The following PRORP variants were observed in gnomAD, a reference collection of about 807,000 sequenced individuals.
PRORP encodes the protein mitochondrial ribonuclease P catalytic subunit.
A neutral mutation model predicts 59.4 loss-of-function variants in PRORP; 51 were observed. The observed-to-expected ratio is 0.86, with a 90% CI of 0.69 to 1.08. PRORP has a LOEUF of 1.08. Ranked by LOEUF, PRORP falls within the 50% of genes least tolerant of loss-of-function variation. The pLI is 0.00. For missense variants in PRORP, 646 were observed against 690.3 expected, an observed-to-expected ratio of 0.94 and a Z score of 0.72; for synonymous variants, 231 against 245.6, an observed-to-expected ratio of 0.94 and a Z score of 0.55.
chr14:35,270,373 A>C (rs749003026), intron 6 of PRORP, 28 bp from the exon 7 acceptor site: 1 of 1,604,640 alleles, frequency 6.2e-7, no homozygotes, highest in East Asian at 2.2e-5. Flanking sequence ...GCTGTGCTTG[A>C]TTGTGTCCTT....
intron 5 of PRORP, chr14:35,262,544 GC>G: frequency 1.5e-6 from 1 of 658,116 alleles, no homozygotes. Flanking sequence ...ACTGTGAAAG[GC>G]CCCAGAGGAA....
At chr14:35,218,459 T>TTAAAAA (rs1555329355) in intron 5 of PRORP, among the ~76,000 whole-genome samples, 2 of 44,778 alleles carry the variant, frequency 4.5e-5, no homozygotes, top group Admixed American at 4.3e-4. Context: ...AGATCCTGTC[T>TTAAAAA]AAAAAAAGAA....
chr14:35,145,593 G>A lies in PRORP; in HGVS notation c.1167+17982G>A, dbSNP rs1056168776. ...AAATTAGCTGGGCATGGTGGCATGC[G>A]TCTGTAGTCCCAGCTACTGAGGAGG... On this transcript the variant is annotated intron_variant, in intron 4 of 7. Coordinates refer to ENST00000534898, the MANE Select transcript of PRORP (RefSeq NM_014672.4). 7.8e-5 allele frequency among the ~76,000 whole-genome samples: 11 copies of A among 140,206 alleles called. 1 individual carries two copies. Among genetic ancestry groups the A allele is most frequent in the African/African-American group, 7.4e-5 (3 of 40,434 alleles). The allele number at this position is 140,206 out of a possible 152,430, so 92.0% of individuals were successfully genotyped here.
At chr14:35,163,013 A>G (rs1049124999) in intron 4 of PRORP, among the ~76,000 whole-genome samples, 1 of 152,114 alleles carries the variant, frequency 6.6e-6, no homozygotes, top group Non-Finnish European at 1.5e-5. Context: ...ACAGTATGAC[A>G]CTATTTTGAT....
At chr14:35,270,363 G>C in intron 6 of PRORP, 38 bp from the exon 7 acceptor site, 1 of 1,588,962 alleles carries the variant, frequency 6.3e-7, no homozygotes, top group Non-Finnish European at 8.6e-7. Flanking sequence ...TGCCTCTTCA[G>C]CTGTGCTTGA....
At chr14:35,181,498 C>T (rs577112445) in intron 5 of PRORP, among the ~76,000 whole-genome samples, 10 of 152,112 alleles carry the variant, frequency 6.6e-5, no homozygotes, top group South Asian at 2.1e-4. Context: ...AAATTGCTGC[C>T]GCTGGCTGGG....
intron 5 of PRORP, among the ~76,000 whole-genome samples, chr14:35,264,137 A>AT (rs1407278492): frequency 2.7e-5 from 4 of 150,664 alleles, no homozygotes; most frequent in Non-Finnish European, 4.4e-5. Flanking sequence ...TCATTCATTC[A>AT]TTTTTTTTGA....
At chr14:35,191,084 A>G (rs2048871919) in intron 5 of PRORP, among the ~76,000 whole-genome samples, 1 of 152,148 alleles carries the variant, frequency 6.6e-6, no homozygotes, top group Non-Finnish European at 1.5e-5. Flanking sequence ...CACCTGTTAT[A>G]TGATTTGGCT....
chr14:35,169,545 C>A (rs879856279), intron 4 of PRORP, among the ~76,000 whole-genome samples: 1 of 152,142 alleles, frequency 6.6e-6, no homozygotes, highest in Non-Finnish European at 1.5e-5. Flanking sequence ...GCATGTCTTA[C>A]ACGGCAGCAG....
chr14:35,221,712 T>C (rs1487470794), intron 5 of PRORP, among the ~76,000 whole-genome samples: 1 of 152,208 alleles, frequency 6.6e-6, no homozygotes, highest in Non-Finnish European at 1.5e-5. Flanking sequence ...AGTATCCTAC[T>C]ATGACCTGGC....
rs2049930334 is a variant in PRORP at position 35,226,216 on chromosome 14, A to G, written c.1276-40511A>G. On this transcript the variant is annotated intron_variant, in intron 5 of 7. Coordinates refer to ENST00000534898, the MANE Select transcript of PRORP (RefSeq NM_014672.4). ...ACATTCAATATTCATTAAATCTTTA[A>G]CTCCTCATCATGTGCCAGGCTCTGT... Among the ~76,000 whole-genome samples, 4 of 152,112 alleles carry G rather than the reference A, an allele frequency of 2.6e-5. No individual in the cohort carries two copies. In the South Asian group the frequency reaches 8.3e-4, roughly 32 times the overall value.
chr14:35,189,904 T>A (rs1282634759), intron 5 of PRORP, among the ~76,000 whole-genome samples: 1 of 147,206 alleles, frequency 6.8e-6, no homozygotes, highest in African/African-American at 2.5e-5. Context: ...AGGTGAGAAG[T>A]TCAAGACCAG....
At chr14:35,146,900 C>T (rs2047624532) in intron 4 of PRORP, among the ~76,000 whole-genome samples, 3 of 152,014 alleles carry the variant, frequency 2.0e-5, no homozygotes, top group Non-Finnish European at 2.9e-5. Flanking sequence ...GACACCAGCC[C>T]GGGGAACATA....
chr14:35,190,514 T>G (rs1426432673), intron 5 of PRORP, among the ~76,000 whole-genome samples: 4 of 152,174 alleles, frequency 2.6e-5, no homozygotes, highest in Non-Finnish European at 4.4e-5. Context: ...TTATTTATTT[T>G]TATTTTTTTG....
intron 4 of PRORP, among the ~76,000 whole-genome samples, chr14:35,129,994 C>T (rs1308983543): frequency 1.3e-5 from 2 of 149,162 alleles, no homozygotes; most frequent in Non-Finnish European, 3.0e-5. Flanking sequence ...AAGTTATAGT[C>T]GTTATTATTT....
chr14:35,145,698 G>A (rs886563431), intron 4 of PRORP, among the ~76,000 whole-genome samples: 8 of 136,794 alleles, frequency 5.8e-5, no homozygotes, highest in African/African-American at 7.5e-5. Flanking sequence ...CCAGCCTGGC[G>A]ACAGAGCGAG....
chr14:35,156,442 A>G (rs1343090349), intron 4 of PRORP, among the ~76,000 whole-genome samples: 1 of 151,568 alleles, frequency 6.6e-6, no homozygotes, highest in Non-Finnish European at 1.5e-5. Flanking sequence ...TAGGTGTTTT[A>G]TTTTTGTTTT....
chr14:35,191,499 C>T (rs546164666), intron 5 of PRORP, among the ~76,000 whole-genome samples: 4 of 152,126 alleles, frequency 2.6e-5, no homozygotes, highest in Admixed American at 6.5e-5. Context: ...CCCAGGAGTA[C>T]GAGACCAGCC....
intron 5 of PRORP, chr14:35,235,371 C>T (rs2050184976): frequency 4.3e-6 from 3 of 701,866 alleles, no homozygotes; most frequent in African/African-American, 1.7e-5. Flanking sequence ...GTAAAGTTGA[C>T]AGTGGTGCAG....
Sources: gnomAD v4.1 joint callset for allele counts (sites outside exome capture counted in the v4.1 genomes callset) on GRCh38, gnomAD v4.1.1 for gene constraint, MANE v1.5 for transcripts, NCBI Gene and HGNC (gene_info 2026-07-23, HGNC 2026-07-21) for gene names.